DMRT1: variants seen among roughly 807,000 people sequenced by gnomAD.
DMRT1 encodes the protein doublesex- and mab-3-related transcription factor 1.
In DMRT1, 7 loss-of-function variants were observed where a neutral mutation model predicts 32.3. The observed-to-expected ratio is 0.22, with a 90% CI of 0.12 to 0.41. The LOEUF (loss-of-function observed/expected upper bound fraction) is 0.41. Among genes scored for constraint, DMRT1 ranks in the 10% least tolerant of loss-of-function variants. The pLI is 1.00. For missense variants in DMRT1, 625 were observed against 500.5 expected, an observed-to-expected ratio of 1.25 and a Z score of -2.37; for synonymous variants, 278 against 206.1, an observed-to-expected ratio of 1.35 and a Z score of -2.99.
intron 3 of DMRT1, among the ~76,000 whole-genome samples, chr9:910,330 A>G (rs1044099207): frequency 6.6e-6 from 1 of 152,066 alleles, no homozygotes; most frequent in African/African-American, 2.4e-5. Flanking sequence ...AAAAAAAAAA[A>G]AAGACTGTTC....
intron 4 of DMRT1, among the ~76,000 whole-genome samples, chr9:964,755 C>T (rs913554667): frequency 3.3e-5 from 5 of 152,104 alleles, no homozygotes; most frequent in African/African-American, 9.7e-5. Flanking sequence ...TTCCTTTCTT[C>T]GGGGTTATTC....
intron 4 of DMRT1, among the ~76,000 whole-genome samples, chr9:967,183 T>C (rs957411022): frequency 1.6e-4 from 25 of 152,342 alleles, no homozygotes; most frequent in African/African-American, 5.3e-4. Flanking sequence ...GGGGTGGATC[T>C]AAACTCAGCT....
chr9:925,511 G>A (rs1818492593), intron 4 of DMRT1, among the ~76,000 whole-genome samples: 1 of 152,206 alleles, frequency 6.6e-6, no homozygotes, highest in Non-Finnish European at 1.5e-5. Flanking sequence ...CAGAGAGGAT[G>A]GGTGTGCAGG....
intron 4 of DMRT1, among the ~76,000 whole-genome samples, chr9:957,555 T>C (rs1819638810): frequency 1.3e-5 from 2 of 152,370 alleles, no homozygotes; most frequent in African/African-American, 4.8e-5. Context: ...TCATCCATGA[T>C]GGCCGTGTTA....
intron 3 of DMRT1, 77 bp downstream of exon 3, chr9:894,272 CAG>C (rs2132652766): frequency 6.8e-7 from 1 of 1,480,884 alleles, no homozygotes; most frequent in East Asian, 2.3e-5. Context: ...CACATACACA[CAG>C]AGGCACACAC....
chr9:872,842 C>T (rs924511656), intron 2 of DMRT1, among the ~76,000 whole-genome samples: 2 of 152,096 alleles, frequency 1.3e-5, no homozygotes, highest in African/African-American at 4.8e-5. Context: ...TTTTGGGGGA[C>T]TGCTAAGGTT....
At chr9:881,015 A>C (rs1816714990) in intron 2 of DMRT1, among the ~76,000 whole-genome samples, 1 of 152,138 alleles carries the variant, frequency 6.6e-6, no homozygotes, top group Admixed American at 6.6e-5. Flanking sequence ...AATGGGTTTA[A>C]AGCAGTTCTC....
intron 2 of DMRT1, among the ~76,000 whole-genome samples, chr9:880,403 G>A (rs1589493418): frequency 6.6e-6 from 1 of 152,086 alleles, no homozygotes; most frequent in South Asian, 2.1e-4. Context: ...TTCCTTCATA[G>A]CGATGAGGAA....
chr9:882,794 G>A (rs1816783815), intron 2 of DMRT1, among the ~76,000 whole-genome samples: 1 of 134,066 alleles, frequency 7.5e-6, no homozygotes, highest in Admixed American at 8.4e-5. Flanking sequence ...GTCTGAGACA[G>A]TCTCACTCAC....
intron 4 of DMRT1, among the ~76,000 whole-genome samples, chr9:962,961 C>G (rs1217792110): frequency 6.6e-6 from 1 of 152,108 alleles, no homozygotes; most frequent in Non-Finnish European, 1.5e-5. Flanking sequence ...GGCTCTGTTC[C>G]TTTTGAGAGT....
chr9:863,937 T>C (rs967740123), intron 2 of DMRT1, among the ~76,000 whole-genome samples: 11 of 152,276 alleles, frequency 7.2e-5, no homozygotes, highest in Admixed American at 5.9e-4. Flanking sequence ...AGATTGGCCC[T>C]TTTTGATATG....
intron 3 of DMRT1, among the ~76,000 whole-genome samples, chr9:905,107 A>G (rs1817722087): frequency 1.3e-5 from 2 of 152,222 alleles, no homozygotes; most frequent in South Asian, 4.1e-4. Flanking sequence ...TTTCCAGTGC[A>G]TGGTGATAGA....
intron 3 of DMRT1, chr9:895,006 G>C (rs1391703897): frequency 6.6e-6 from 1 of 152,148 alleles, no homozygotes; most frequent in Non-Finnish European, 1.5e-5. Context: ...GTAGAGATGG[G>C]GTTTCACCAT....
intron 2 of DMRT1, among the ~76,000 whole-genome samples, chr9:880,132 T>C (rs976123417): frequency 1.3e-5 from 2 of 152,192 alleles, no homozygotes; most frequent in African/African-American, 4.8e-5. Flanking sequence ...TTTCAGTAAT[T>C]GTAGTTTGTC....
chr9:894,763 A>G (rs80340305), intron 3 of DMRT1: 5,294 of 167,164 alleles, frequency 0.032, 226 homozygotes, highest in East Asian at 0.13. Context: ...CGCTAGGAAT[A>G]GAGGTCAGTC....
At chr9:860,544 G>C (rs1245306585) in intron 2 of DMRT1, among the ~76,000 whole-genome samples, 1 of 151,712 alleles carries the variant, frequency 6.6e-6, no homozygotes, top group Non-Finnish European at 1.5e-5. Context: ...TCCTATTCTA[G>C]GTGCAGGATA....
At chr9:914,205 C>G (rs1006573952) in intron 3 of DMRT1, among the ~76,000 whole-genome samples, 10 of 152,050 alleles carry the variant, frequency 6.6e-5, no homozygotes, top group African/African-American at 1.9e-4. Context: ...GCTGTGTGGT[C>G]TTATTTATTA....
intron 2 of DMRT1, among the ~76,000 whole-genome samples, chr9:858,207 C>G (rs1272481812): frequency 6.6e-6 from 1 of 152,074 alleles, no homozygotes; most frequent in Non-Finnish European, 1.5e-5. Flanking sequence ...CTTCATGTGG[C>G]CAGTGGGAAG....
chr9:902,944 C>G (rs1226680280), intron 3 of DMRT1, among the ~76,000 whole-genome samples: 1 of 152,118 alleles, frequency 6.6e-6, no homozygotes, highest in Admixed American at 6.5e-5. Flanking sequence ...GTTTTGGAGA[C>G]TCTTCTGTTT....
Sources: gnomAD v4.1 joint callset for allele counts (sites outside exome capture counted in the v4.1 genomes callset) on GRCh38, gnomAD v4.1.1 for gene constraint, MANE v1.5 for transcripts, NCBI Gene and HGNC (gene_info 2026-07-23, HGNC 2026-07-21) for gene names.